The following MTMR3 variants were observed in gnomAD, a reference collection of about 807,000 sequenced individuals.
MTMR3 encodes the protein phosphatidylinositol-3,5-bisphosphate 3-phosphatase MTMR3.
Under a neutral mutation model 132.4 loss-of-function variants are expected in MTMR3, and 32 were observed. The ratio of observed to expected loss-of-function variants is 0.24; its 90% confidence interval spans 0.18 to 0.32. The LOEUF (loss-of-function observed/expected upper bound fraction) is 0.32, where lower values mean the gene tolerates loss of function less well. Ranked by LOEUF, MTMR3 falls within the 10% of genes least tolerant of loss-of-function variation. The pLI is 1.00. For missense variants in MTMR3, 1,216 were observed against 1,489.6 expected (o/e 0.82, Z 3.02); for synonymous variants, 556 against 550.3 (o/e 1.01, Z -0.14).
chr22:29,967,193 TTGTGTGTG>T (rs10680622), intron 2 of MTMR3, among the ~76,000 whole-genome samples: 44,213 of 141,850 alleles, frequency 0.31, 8,381 homozygotes, highest in Non-Finnish European at 0.45. Context: ...TTCACCTCTG[TTGTGTGTG>T]TGTGTGTGTG....
intron 1 of MTMR3, among the ~76,000 whole-genome samples, chr22:29,936,217 A>G (rs2065747384): frequency 6.6e-6 from 1 of 152,238 alleles, no homozygotes; most frequent in Non-Finnish European, 1.5e-5. Flanking sequence ...TAATATTTTT[A>G]TAGTATTGAA....
intron 7 of MTMR3, 24 bp from the exon 8 acceptor site, chr22:29,998,737 C>G: frequency 1.3e-6 from 2 of 1,576,634 alleles, no homozygotes; most frequent in Non-Finnish European, 1.7e-6. Context: ...TTCTTCCTTT[C>G]TGCTGTTTAT....
intron 9 of MTMR3, chr22:30,004,132 A>T (rs2067229001): frequency 6.6e-6 from 1 of 152,222 alleles, no homozygotes; most frequent in African/African-American, 2.4e-5. Context: ...TACGTTTTTA[A>T]TCTCAATTCT....
intron 1 of MTMR3, among the ~76,000 whole-genome samples, chr22:29,889,175 G>C (rs994817247): frequency 6.7e-6 from 1 of 150,350 alleles, no homozygotes; most frequent in Non-Finnish European, 1.5e-5. Flanking sequence ...AAGGCAGAGT[G>C]TTTATAAAGA....
intron 1 of MTMR3, among the ~76,000 whole-genome samples, chr22:29,950,363 A>T (rs1602545267): frequency 1.3e-5 from 2 of 149,624 alleles, no homozygotes; most frequent in South Asian, 2.1e-4. Flanking sequence ...TTATTTTTTT[A>T]TTTATTTTTT....
At chr22:29,961,280 T>G (rs928656610) in intron 2 of MTMR3, among the ~76,000 whole-genome samples, 2 of 152,166 alleles carry the variant, frequency 1.3e-5, no homozygotes, top group Admixed American at 6.6e-5. Flanking sequence ...TAAGGGTGGT[T>G]GTTGCGGCTT....
intron 2 of MTMR3, among the ~76,000 whole-genome samples, chr22:29,966,726 C>T (rs1014889831): frequency 1.4e-4 from 20 of 142,832 alleles, no homozygotes; most frequent in Admixed American, 8.4e-4. Flanking sequence ...TAGGGGTGTG[C>T]GTGTGTGTGT....
intron 1 of MTMR3, among the ~76,000 whole-genome samples, chr22:29,895,071 G>T (rs543018220): frequency 6.6e-6 from 1 of 152,112 alleles, no homozygotes; most frequent in Admixed American, 6.5e-5. Flanking sequence ...AACGGGGCGC[G>T]GTGGTGGGCA....
rs371597983 is a variant in MTMR3, at chr22:30,020,598, G to C, written c.2939G>C (p.Ser980Thr). The C allele has an allele frequency of 5.6e-6, 9 of 1,614,218 alleles. No homozygotes were observed. In the Admixed American group the frequency reaches 8.3e-5, roughly 15 times the overall value. The change falls in exon 17 of 20, where the codon AGC (serine) becomes ACC (threonine). Residue 980 changes from serine to threonine, a missense_variant. Ser to Thr is a moderately conservative substitution (Grantham distance 58). Coordinates refer to ENST00000401950, the MANE Select transcript of MTMR3 (RefSeq NM_021090.4). The stretch of plus-strand genomic sequence containing the variant: ...CGTCAGCTGTCTGCTATGAGCTGCA[G>C]CTCTGCCCACTTACACTCAAGGAAC... ...LSRQLSAMSC[S>T]SAHLHSRNLH...
At chr22:30,001,049 T>A (rs1483724548) in intron 8 of MTMR3, 1 of 152,174 alleles carries the variant, frequency 6.6e-6, no homozygotes, top group Non-Finnish European at 1.5e-5. Context: ...GCCCAGGAGT[T>A]TGAGACTAGG....
chr22:29,965,582 G>T (rs1346012509), intron 2 of MTMR3, among the ~76,000 whole-genome samples: 1 of 152,166 alleles, frequency 6.6e-6, no homozygotes, highest in Non-Finnish European at 1.5e-5. Context: ...CTACTTGAGA[G>T]GCTGAGACAC....
At chr22:30,013,769 T>G (rs2067495549) in intron 14 of MTMR3, 1 of 397,454 alleles carries the variant, frequency 2.5e-6, no homozygotes, top group South Asian at 2.7e-5. Context: ...AACTTAGTTT[T>G]TTTTTAAAGG....
chr22:30,009,025 C>T lies in MTMR3; in HGVS notation c.1017C>T (p.Tyr339=), dbSNP rs779930438. ...KGGGCECPEY[Y]PNCEVVFMGM... ...TATTGTTACTCTCTCCAGAGTATTA[C>T]CCAAACTGTGAAGTTGTGTTTATGG... The change falls in exon 12 of 20, where the codon TAC becomes TAT. Residue 339 remains tyrosine (Y), a synonymous_variant. Transcript: ENST00000401950. The T allele has an allele frequency of 6.2e-7, 1 of 1,605,758 alleles. No homozygotes were observed. Among genetic ancestry groups the T allele is most frequent in the Non-Finnish European group, 8.5e-7 (1 of 1,172,408 alleles).
chr22:29,945,777 G>A (rs2065941788), intron 1 of MTMR3, among the ~76,000 whole-genome samples: 1 of 151,624 alleles, frequency 6.6e-6, no homozygotes, highest in South Asian at 2.1e-4. Context: ...TTGTCCAGAT[G>A]GATAAAGTGG....
chr22:29,921,171 T>G (rs1341008698), intron 1 of MTMR3, among the ~76,000 whole-genome samples: 1 of 152,090 alleles, frequency 6.6e-6, no homozygotes, highest in Non-Finnish European at 1.5e-5. Context: ...CAGTATCTGC[T>G]TCTAGTGGGG....
At chr22:29,887,523 G>A (rs187208473) in intron 1 of MTMR3, among the ~76,000 whole-genome samples, 54 of 152,288 alleles carry the variant, frequency 3.5e-4, no homozygotes, top group Admixed American at 3.1e-3. Flanking sequence ...TATGGCAACA[G>A]AGAAGGTTTC....
intron 1 of MTMR3, among the ~76,000 whole-genome samples, chr22:29,919,932 C>T (rs1026221923): frequency 1.3e-5 from 2 of 152,118 alleles, no homozygotes; most frequent in Non-Finnish European, 2.9e-5. Flanking sequence ...TGGCTGATGA[C>T]TTACATGCTT....
intron 17 of MTMR3, chr22:30,021,767 TCA>T (rs1355644125): frequency 6.8e-6 from 3 of 440,410 alleles, no homozygotes; most frequent in Non-Finnish European, 8.2e-6. Context: ...CACTTCCCTC[TCA>T]CTCACTTTCT....
chr22:29,969,021 A>G (rs1409001224), intron 2 of MTMR3, among the ~76,000 whole-genome samples: 1 of 152,154 alleles, frequency 6.6e-6, no homozygotes, highest in Non-Finnish European at 1.5e-5. Flanking sequence ...ATTTGGCTTT[A>G]ATGCCATTCA....
Sources: allele counts gnomAD v4.1 joint callset (sites outside exome capture counted in the v4.1 genomes callset), GRCh38; gene constraint gnomAD v4.1.1; transcripts MANE v1.5; gene names NCBI Gene and HGNC (gene_info 2026-07-23, HGNC 2026-07-21).